The following CAMK2A variants were observed in gnomAD, a reference collection of about 807,000 sequenced individuals.
The protein encoded by CAMK2A is calcium/calmodulin-dependent protein kinase type II subunit alpha.
Under a neutral mutation model 79.2 loss-of-function variants are expected in CAMK2A, and 7 were observed. The observed-to-expected ratio is 0.09, with a 90% CI of 0.05 to 0.17. CAMK2A has a LOEUF of 0.17. Among genes scored for constraint, CAMK2A ranks in the 10% least tolerant of loss-of-function variants. The pLI is 1.00. For synonymous variants in CAMK2A, 242 were observed against 251.7 expected (o/e 0.96, Z 0.36); for missense variants, 214 against 646.4 (o/e 0.33, Z 7.25).
chr5:150,235,668 C>A (rs1755025829), intron 15 of CAMK2A, among the ~76,000 whole-genome samples: 1 of 152,190 alleles, frequency 6.6e-6, no homozygotes, highest in African/African-American at 2.4e-5. Context: ...GGCAAGAGGC[C>A]TGTGCAGTGA....
chr5:150,231,007 C>T (rs1020069708), intron 16 of CAMK2A, among the ~76,000 whole-genome samples: 1 of 152,162 alleles, frequency 6.6e-6, no homozygotes, highest in African/African-American at 2.4e-5. Context: ...TACTGTCCAC[C>T]CCCTCTTTCC....
intron 6 of CAMK2A, among the ~76,000 whole-genome samples, 165 bp from the exon 7 acceptor site, chr5:150,253,711 T>C (rs887933805): frequency 2.0e-5 from 3 of 152,048 alleles, no homozygotes; most frequent in African/African-American, 7.3e-5. Flanking sequence ...TGAGTCTCAG[T>C]CCCCAGAGAG....
intron 10 of CAMK2A, 69 bp downstream of exon 10, chr5:150,250,619 A>C: frequency 6.3e-7 from 1 of 1,593,550 alleles, no homozygotes; most frequent in Non-Finnish European, 8.6e-7. Flanking sequence ...AAGGGCCAGA[A>C]CTCTGTGGGG....
chr5:150,237,882 C>G (rs758980873), intron 15 of CAMK2A, among the ~76,000 whole-genome samples: 1 of 152,182 alleles, frequency 6.6e-6, no homozygotes, highest in Non-Finnish European at 1.5e-5. Flanking sequence ...TTGCTTCCCC[C>G]ACCTGAGAGC....
chr5:150,238,428 G>T, intron 15 of CAMK2A: 2 of 323,228 alleles, frequency 6.2e-6, no homozygotes, highest in Non-Finnish European at 1.2e-5. Context: ...CTCCAGCCTG[G>T]ACGACAGAGC....
chr5:150,288,643 G>A (rs1432882228), intron 1 of CAMK2A, among the ~76,000 whole-genome samples: 1 of 152,112 alleles, frequency 6.6e-6, no homozygotes, highest in African/African-American at 2.4e-5. Flanking sequence ...ACCAACCAGG[G>A]CATCGGTGCT....
chr5:150,252,103 G>A, intron 7 of CAMK2A, 38 bp from the exon 8 acceptor site: 1 of 1,496,312 alleles, frequency 6.7e-7, no homozygotes, highest in Non-Finnish European at 9.3e-7. Context: ...CACATACACA[G>A]AGGTTGTCTC....
At chr5:150,282,075 T>C (rs1757237247) in intron 1 of CAMK2A, among the ~76,000 whole-genome samples, 1 of 152,276 alleles carries the variant, frequency 6.6e-6, no homozygotes, top group South Asian at 2.1e-4. Context: ...CAAAGCATTA[T>C]ACAGCTAGAA....
At chr5:150,279,632 C>T (rs1363806378) in intron 1 of CAMK2A, among the ~76,000 whole-genome samples, 1 of 152,132 alleles carries the variant, frequency 6.6e-6, no homozygotes, top group Admixed American at 6.5e-5. Flanking sequence ...AAGAAGCAAG[C>T]CAAGGTGGAC....
rs915866375 is a variant in CAMK2A at position 150,284,085 on chromosome 5, A to G, written c.62+5479T>C. 3.3e-5 allele frequency among the ~76,000 whole-genome samples: 5 copies of G among 152,220 alleles called. No homozygotes were observed. The East Asian group carries it at 5.8e-4, about 18-fold the overall frequency. On this transcript the variant is annotated intron_variant, in intron 1 of 18. Coordinates refer to ENST00000671881, the MANE Select transcript of CAMK2A (RefSeq NM_015981.4). This position sits in a 1 kb window ranked among gnomAD's most constrained non-coding sequence, Gnocchi z 5.3. ...CCTACAGTGCCACAGAGAAGCTCCAAGAGAATGCCACAGGTGGTTCACATG... is the reference window on the plus strand; with the variant it reads ...CCTACAGTGCCACAGAGAAGCTCCAGGAGAATGCCACAGGTGGTTCACATG...
At chr5:150,226,258 C>A (rs1392549959) in intron 17 of CAMK2A, among the ~76,000 whole-genome samples, 1 of 152,094 alleles carries the variant, frequency 6.6e-6, no homozygotes, top group African/African-American at 2.4e-5. Flanking sequence ...AGGGAAAGGG[C>A]ACTGGGGTGA....
intron 13 of CAMK2A, among the ~76,000 whole-genome samples, chr5:150,240,801 G>A (rs1755302054): frequency 6.6e-6 from 1 of 152,196 alleles, no homozygotes; most frequent in Admixed American, 6.5e-5. Context: ...AGGTCTCCAG[G>A]CACCCACAGT....
chr5:150,262,339 A>T (rs1294458923), intron 3 of CAMK2A, among the ~76,000 whole-genome samples: 2 of 152,194 alleles, frequency 1.3e-5, no homozygotes, highest in Non-Finnish European at 2.9e-5. Context: ...TTTTGAGCCC[A>T]CATCTGTACC....
chr5:150,275,566 C>G (rs1416250468), intron 1 of CAMK2A, among the ~76,000 whole-genome samples: 1 of 152,202 alleles, frequency 6.6e-6, no homozygotes, highest in Non-Finnish European at 1.5e-5. Flanking sequence ...TTCTGTCCAC[C>G]CAGCTAGTGA....
At chr5:150,247,858 GA>G in intron 11 of CAMK2A, 44 bp from the exon 12 acceptor site, 1 of 1,571,398 alleles carries the variant, frequency 6.4e-7, no homozygotes, top group Non-Finnish European at 8.7e-7. Flanking sequence ...AGGCCGGAGT[GA>G]AGGGACCCAG....
intron 17 of CAMK2A, among the ~76,000 whole-genome samples, chr5:150,225,911 A>C (rs1284687807): frequency 6.6e-6 from 1 of 151,932 alleles, no homozygotes; most frequent in Non-Finnish European, 1.5e-5. Flanking sequence ...TACCTGGCTA[A>C]TTTTTGTATT....
At chr5:150,250,073 A>G (rs1755765716) in intron 11 of CAMK2A, among the ~76,000 whole-genome samples, 153 bp downstream of exon 11, 1 of 152,182 alleles carries the variant, frequency 6.6e-6, no homozygotes, top group Non-Finnish European at 1.5e-5. Flanking sequence ...TCACTCCCCA[A>G]GCCCAACCTG....
At chr5:150,237,349 C>CT (rs1355442331) in intron 15 of CAMK2A, among the ~76,000 whole-genome samples, 15 of 133,514 alleles carry the variant, frequency 1.1e-4, no homozygotes, top group Middle Eastern at 7.0e-3. Flanking sequence ...GGTCAACGGC[C>CT]TTTTTTTATA....
rs201063740 is a variant in CAMK2A, at chr5:150,257,627, G to A, written c.218-10C>T. On this transcript the variant is annotated splice_polypyrimidine_tract_variant and intron_variant, in intron 3 of 18. Transcript: ENST00000671881. ...CTGTCATGTAGTCGGACTGTGGGCG[G>A]GGCAAGGCAGTTGGTTACAGTGGGA... is the stretch of plus-strand genomic sequence containing the variant. 164 of 1,562,628 alleles carry A rather than the reference G, an allele frequency of 1.0e-4. No homozygotes were observed. In the East Asian group the frequency reaches 3.3e-3, roughly 31 times the overall value.
Sources: gnomAD v4.1 joint callset for allele counts (sites outside exome capture counted in the v4.1 genomes callset) on GRCh38, gnomAD v4.1.1 for gene constraint, Gnocchi (gnomAD v3.1) non-coding constraint, MANE v1.5 for transcripts, NCBI Gene and HGNC (gene_info 2026-07-23, HGNC 2026-07-21) for gene names.